The following CASQ2 variants were observed in gnomAD, a reference collection of about 807,000 sequenced individuals.
The protein encoded by CASQ2 is calsequestrin 2.
CASQ2 carries 49 observed loss-of-function variants against 46.5 expected under a neutral mutation model. The ratio of observed to expected loss-of-function variants is 1.05; its 90% confidence interval spans 0.84 to 1.34. The LOEUF is 1.34. Ranked by LOEUF, CASQ2 falls within the 40% of genes most tolerant of loss-of-function variation. The pLI, the probability that CASQ2 is intolerant of heterozygous loss-of-function variation, is 0.00. For missense variants in CASQ2, 486 were observed against 481.3 expected (o/e 1.01, Z -0.09); for synonymous variants, 174 against 168.5 (o/e 1.03, Z -0.25).
intron 1 of CASQ2, among the ~76,000 whole-genome samples, chr1:115,767,783 C>T (rs1296706669): frequency 3.9e-5 from 6 of 152,130 alleles, no homozygotes; most frequent in Admixed American, 2.6e-4. Flanking sequence ...GATCTGCACA[C>T]AACTACATTC....
At chr1:115,749,848 A>G (rs10754356) in intron 1 of CASQ2, among the ~76,000 whole-genome samples, 41,564 of 152,006 alleles carry the variant, frequency 0.27, 6,086 homozygotes, top group East Asian at 0.43. Context: ...CTGCATTCTC[A>G]GGTCGCTACC....
At chr1:115,706,838 A>C (rs1365592725) in intron 8 of CASQ2, among the ~76,000 whole-genome samples, 1 of 151,604 alleles carries the variant, frequency 6.6e-6, no homozygotes, top group Non-Finnish European at 1.5e-5. Flanking sequence ...GCTCTTTTGG[A>C]CTCTTGGTAA....
At position 115,727,016 on chromosome 1, in the gene CASQ2, A is replaced by G; in HGVS notation, c.713T>C (p.Val238Ala). Reference protein sequence around the residue: ...PNKPYTEEELVEFVKEHQRPT... With the variant: ...PNKPYTEEELAEFVKEHQRPT... ...CCTTTGGTGTTCCTTCACAAACTCC[A>G]CCAGCTCCTCTTCTGTGTAAGGTTT... is the stretch of plus-strand genomic sequence containing the variant. Residue 238 changes from valine to alanine, a missense_variant, in exon 6 of 11, where the codon GTG becomes GCG. Physicochemically the swap from Val to Ala is moderately conservative, Grantham distance 64 (BLOSUM62 0). Coordinates refer to ENST00000261448, the MANE Select transcript of CASQ2 (RefSeq NM_001232.4). 6.2e-7 allele frequency: 1 copy of G among 1,608,996 alleles called. No individual in the cohort carries two copies. The highest frequency in any genetic ancestry group is 8.5e-7 in the Non-Finnish European group (1 of 1,177,286).
chr1:115,755,462 G>T (rs1362061104), intron 1 of CASQ2, among the ~76,000 whole-genome samples: 1 of 152,146 alleles, frequency 6.6e-6, no homozygotes, highest in Non-Finnish European at 1.5e-5. Flanking sequence ...TTAAAAAGGG[G>T]GTGAGGTGCT....
At position 115,700,736 on chromosome 1, in the gene CASQ2, C is replaced by T. The variant is rs1654179604; in HGVS notation, c.*505G>A. 2.5e-6 allele frequency: 1 copy of T among 399,596 alleles called. No individual in the cohort carries two copies. The highest frequency in any genetic ancestry group is 3.8e-5 in the East Asian group (1 of 26,418). The allele number at this position is 399,596 out of a possible 1,614,324, so 24.8% of individuals were successfully genotyped here. ...AAGTTTGCTTCCAAGGCTGAGCCTTCTCTAAGAAGGATCATCTTGGCTGGA... is the reference window on the plus strand; with the variant it reads ...AAGTTTGCTTCCAAGGCTGAGCCTTTTCTAAGAAGGATCATCTTGGCTGGA... On this transcript the variant is annotated 3_prime_UTR_variant, in exon 11 of 11. Transcript: ENST00000261448.
intron 5 of CASQ2, among the ~76,000 whole-genome samples, chr1:115,728,851 C>CCA (rs370961723): frequency 5.9e-5 from 9 of 152,054 alleles, no homozygotes; most frequent in East Asian, 5.8e-4. Context: ...GTGATAGTCT[C>CCA]GTCTCTGAAT....
intron 10 of CASQ2, 150 bp downstream of exon 10, chr1:115,702,771 G>C: frequency 1.5e-6 from 1 of 686,992 alleles, no homozygotes; most frequent in South Asian, 1.6e-5. Context: ...GAGACCAGGC[G>C]TGGAACACAC....
At chr1:115,744,492 A>G (rs4839477) in intron 2 of CASQ2, among the ~76,000 whole-genome samples, 66,391 of 152,088 alleles carry the variant, frequency 0.44, 16,848 homozygotes, top group Non-Finnish European at 0.58. Context: ...TCTCAGAGAG[A>G]TCACCACAGT....
intron 1 of CASQ2, among the ~76,000 whole-genome samples, chr1:115,751,296 C>T (rs1462736694): frequency 1.3e-5 from 2 of 152,124 alleles, no homozygotes; most frequent in East Asian, 3.9e-4. Context: ...TGAGAACCTA[C>T]TGTGTTAACA....
At chr1:115,728,107 C>T (rs35785204) in intron 5 of CASQ2, among the ~76,000 whole-genome samples, 3 of 152,272 alleles carry the variant, frequency 2.0e-5, no homozygotes. Context: ...GAGGAATTGC[C>T]TAAGAGCTGA....
At chr1:115,764,798 C>T (rs1428441548) in intron 1 of CASQ2, among the ~76,000 whole-genome samples, 1 of 152,196 alleles carries the variant, frequency 6.6e-6, no homozygotes, top group Non-Finnish European at 1.5e-5. Context: ...CTTTTTCTTG[C>T]TAAGCTGTAT....
chr1:115,729,478 T>G (rs1647714874), intron 5 of CASQ2, among the ~76,000 whole-genome samples: 1 of 152,220 alleles, frequency 6.6e-6, no homozygotes, highest in African/African-American at 2.4e-5. Flanking sequence ...CAAGGCATTA[T>G]TCCAGGAGGA....
chr1:115,708,052 T>C (rs569063818), intron 8 of CASQ2, among the ~76,000 whole-genome samples: 1 of 152,194 alleles, frequency 6.6e-6, no homozygotes, highest in Admixed American at 6.5e-5. Context: ...TCAAAAGGAA[T>C]GTGGTATACA....
intron 9 of CASQ2, among the ~76,000 whole-genome samples, chr1:115,704,589 T>C (rs547438066): frequency 6.6e-5 from 10 of 152,324 alleles, no homozygotes; most frequent in African/African-American, 2.2e-4. Context: ...TCAATACATG[T>C]AGTGTACAAA....
rs139529281 is a variant in CASQ2 at position 115,729,731 on chromosome 1, C to T, written c.607-2609G>A. ...TTTTAGTTGTTGCCAATGAAACCAA[C>T]TCAAGTATTAGGTTGGTGCAAAAGT... On this transcript the variant is annotated intron_variant, in intron 5 of 10. Coordinates refer to ENST00000261448, the MANE Select transcript of CASQ2 (RefSeq NM_001232.4). 1.8e-3 allele frequency among the ~76,000 whole-genome samples: 269 copies of T among 152,288 alleles called. 1 individual carries two copies. The highest frequency in any genetic ancestry group is 6.0e-3 in the African/African-American group (248 of 41,562).
intron 2 of CASQ2, among the ~76,000 whole-genome samples, chr1:115,743,766 A>ATT (rs35505775): frequency 6.0e-5 from 9 of 149,056 alleles, no homozygotes; most frequent in Non-Finnish European, 1.0e-4. Context: ...ATAACCCGCT[A>ATT]TTTTTTTTAA....
chr1:115,715,423 G>C (rs974010817), intron 8 of CASQ2, among the ~76,000 whole-genome samples: 6 of 152,174 alleles, frequency 3.9e-5, no homozygotes, highest in African/African-American at 1.4e-4. Flanking sequence ...GGGACACCTT[G>C]AAAACATCAT....
chr1:115,715,969 G>A (rs1249210006), intron 8 of CASQ2, among the ~76,000 whole-genome samples: 2 of 152,186 alleles, frequency 1.3e-5, no homozygotes, highest in Admixed American at 6.5e-5. Flanking sequence ...GCCACTAACT[G>A]TGTTCTCTTG....
chr1:115,760,223 C>T (rs1236077192), intron 1 of CASQ2, among the ~76,000 whole-genome samples: 1 of 152,200 alleles, frequency 6.6e-6, no homozygotes, highest in Non-Finnish European at 1.5e-5. Context: ...CAGGTAACAA[C>T]ATGATTCTGG....
Sources: allele counts gnomAD v4.1 joint callset (sites outside exome capture counted in the v4.1 genomes callset), GRCh38; gene constraint gnomAD v4.1.1; transcripts MANE v1.5; gene names NCBI Gene and HGNC (gene_info 2026-07-23, HGNC 2026-07-21).